Variants in SH3BGRL observed in about 807,000 individuals in gnomAD.
SH3BGRL encodes the protein adapter SH3BGRL.
Under a neutral mutation model 9.8 loss-of-function variants are expected in SH3BGRL, and 7 were observed. The observed-to-expected ratio is 0.72, with a 90% CI of 0.41 to 1.35. SH3BGRL has a LOEUF of 1.35. SH3BGRL is among the 40% of genes most tolerant of loss of function. The pLI, the probability that SH3BGRL is intolerant of heterozygous loss-of-function variation, is 0.01. For synonymous variants in SH3BGRL, 36 were observed against 29.1 expected (o/e 1.24, Z -0.76); for missense variants, 73 against 84.4 (o/e 0.86, Z 0.53).
intron 1 of SH3BGRL, among the ~76,000 whole-genome samples, chrX:81,257,026 CTTA>C (rs1569364772): frequency 9.0e-6 from 1 of 111,221 alleles, no homozygotes; most frequent in African/African-American, 3.3e-5. Context: ...TCCTTGAGTA[CTTA>C]TTATCATTTA....
chrX:81,248,511 G>A (rs954734937), intron 1 of SH3BGRL, among the ~76,000 whole-genome samples: 5 of 111,989 alleles, frequency 4.5e-5, no homozygotes, highest in African/African-American at 1.6e-4. Context: ...TCCCTACCCA[G>A]GCTTGTGACA....
intron 3 of SH3BGRL, among the ~76,000 whole-genome samples, chrX:81,292,599 A>T (rs993849318): frequency 3.1e-4 from 35 of 112,850 alleles, no homozygotes; most frequent in Non-Finnish European, 3.7e-5. Context: ...AAATTTCTGC[A>T]GTCAGCTTGA....
In SH3BGRL at chrX:81,297,729, C is replaced by T. The variant is rs1215541788; in HGVS notation, c.*502C>T. 2.7e-5 allele frequency: 3 copies of T among 111,896 alleles called. No individual in the cohort carries two copies. Among genetic ancestry groups the T allele is most frequent in the African/African-American group, 9.7e-5 (3 of 30,846 alleles). 9.2% of individuals were successfully genotyped at this position (111,896 alleles called of 1,213,427 possible). Reference sequence around the variant, plus strand: ...TATGATATGTTAAACGTTGTAATTTCCTATCGTAATTATAACATTCCCATT... The same window carrying T: ...TATGATATGTTAAACGTTGTAATTTTCTATCGTAATTATAACATTCCCATT... On this transcript the variant is annotated 3_prime_UTR_variant, in exon 4 of 4. Transcript: ENST00000373212.
intron 1 of SH3BGRL, among the ~76,000 whole-genome samples, chrX:81,248,894 A>G (rs1040623102): frequency 9.0e-6 from 1 of 111,368 alleles, no homozygotes; most frequent in Non-Finnish European, 1.9e-5. Flanking sequence ...TGCCTCTCTC[A>G]TGTACTTTAA....
chrX:81,225,930 C>T (rs1027540897), intron 1 of SH3BGRL, among the ~76,000 whole-genome samples: 31 of 111,343 alleles, frequency 2.8e-4, no homozygotes, highest in African/African-American at 9.8e-4. Context: ...GTGGTAAGAA[C>T]ATTAAACATC....
intron 3 of SH3BGRL, among the ~76,000 whole-genome samples, chrX:81,287,979 AAG>A (rs1363158367): frequency 1.8e-5 from 2 of 108,828 alleles, no homozygotes; most frequent in African/African-American, 6.8e-5. Context: ...GAAAGAAAGA[AAG>A]AGAAAGAAAG....
At chrX:81,282,924 A>T (rs896052241) in intron 3 of SH3BGRL, among the ~76,000 whole-genome samples, 2 of 112,445 alleles carry the variant, frequency 1.8e-5, no homozygotes, top group African/African-American at 6.5e-5. Context: ...ACCATTAGCA[A>T]GATTAACCAA....
intron 1 of SH3BGRL, among the ~76,000 whole-genome samples, chrX:81,259,161 T>A (rs1452331943): frequency 1.8e-5 from 2 of 112,093 alleles, no homozygotes; most frequent in Non-Finnish European, 3.8e-5. Flanking sequence ...GCCTGCCCTG[T>A]GACCTCACAT....
intron 1 of SH3BGRL, chrX:81,255,660 G>A (rs779833224): frequency 1.8e-5 from 2 of 112,125 alleles, no homozygotes; most frequent in Admixed American, 9.4e-5. Context: ...GTTAGATTGC[G>A]ATTCTGTCAG....
chrX:81,279,812 G>A (rs1358112270), intron 3 of SH3BGRL, among the ~76,000 whole-genome samples: 3 of 111,346 alleles, frequency 2.7e-5, no homozygotes, highest in Non-Finnish European at 3.8e-5. Flanking sequence ...GTAACAATTC[G>A]AAAGGGGAAG....
intron 1 of SH3BGRL, among the ~76,000 whole-genome samples, chrX:81,227,732 T>A (rs903775631): frequency 1.2e-4 from 14 of 112,339 alleles, no homozygotes; most frequent in Admixed American, 6.6e-4. Flanking sequence ...TATAATTTTA[T>A]CTATTTTTAT....
intron 1 of SH3BGRL, among the ~76,000 whole-genome samples, chrX:81,275,561 G>A (rs775727926): frequency 7.1e-5 from 8 of 111,963 alleles, no homozygotes; most frequent in African/African-American, 2.0e-4. Flanking sequence ...AAGTGCATTA[G>A]TCCACTAGGC....
At chrX:81,228,900 G>T (rs1217461680) in intron 1 of SH3BGRL, among the ~76,000 whole-genome samples, 2 of 112,053 alleles carry the variant, frequency 1.8e-5, no homozygotes, top group African/African-American at 6.5e-5. Context: ...ATGAGCTATA[G>T]CTTGTGAGTT....
intron 1 of SH3BGRL, among the ~76,000 whole-genome samples, chrX:81,236,778 C>A (rs1406492997): frequency 9.0e-6 from 1 of 111,069 alleles, no homozygotes; most frequent in Non-Finnish European, 1.9e-5. Flanking sequence ...ACTGTGGAAC[C>A]AATTACCATT....
At chrX:81,213,053 T>C (rs1354671468) in intron 1 of SH3BGRL, among the ~76,000 whole-genome samples, 1 of 112,328 alleles carries the variant, frequency 8.9e-6, no homozygotes, top group East Asian at 2.8e-4. Flanking sequence ...GCATAAACAT[T>C]ATATTGCTTA....
chrX:81,221,324 C>G (rs2075599496), intron 1 of SH3BGRL, among the ~76,000 whole-genome samples: 1 of 111,103 alleles, frequency 9.0e-6, no homozygotes, highest in Non-Finnish European at 1.9e-5. Context: ...TCTTCTTCAC[C>G]CCCTTCTTAA....
rs142284461 is a variant in SH3BGRL at position 81,266,166 on chromosome X, A to T, written c.46-10818A>T. Among the ~76,000 whole-genome samples, 197 of 111,975 alleles carry T rather than the reference A, an allele frequency of 1.8e-3. 5 individuals are homozygous for T. The East Asian group carries it at 0.04, about 22-fold the overall frequency. On this transcript the variant is annotated intron_variant, in intron 1 of 3. Coordinates refer to ENST00000373212, the MANE Select transcript of SH3BGRL (RefSeq NM_003022.3). ...TGTAGGTTGCCTGTTCACTCTGATG[A>T]TAGTTTCTTTTGCTGTGCAGAAGCT...
chrX:81,278,222 CAA>C (rs2075804474), intron 2 of SH3BGRL, 107 bp from the exon 3 acceptor site: 6 of 527,050 alleles, frequency 1.1e-5, no homozygotes, highest in Non-Finnish European at 1.8e-5. Flanking sequence ...CTCGGCCTCC[CAA>C]AGTGTTGGGA....
intron 3 of SH3BGRL, among the ~76,000 whole-genome samples, chrX:81,293,727 G>A (rs1000102812): frequency 8.9e-6 from 1 of 111,969 alleles, no homozygotes; most frequent in Non-Finnish European, 1.9e-5. Flanking sequence ...ACAGGCAGAG[G>A]TTGGAACAGT....
Sources: allele counts gnomAD v4.1 joint callset (sites outside exome capture counted in the v4.1 genomes callset), GRCh38; gene constraint gnomAD v4.1.1; transcripts MANE v1.5; gene names NCBI Gene and HGNC (gene_info 2026-07-23, HGNC 2026-07-21).